AGXT: variants seen among roughly 807,000 people sequenced by gnomAD.
The protein encoded by AGXT is L-alanine: glyoxylate aminotransferase 1.
Under a neutral mutation model 46.9 loss-of-function variants are expected in AGXT, and 41 were observed. That is an observed-to-expected ratio of 0.88 (90% CI 0.68 to 1.14). The LOEUF (loss-of-function observed/expected upper bound fraction) is 1.14, where lower values mean the gene tolerates loss of function less well. AGXT is among the 50% of genes most tolerant of loss of function. The probability of loss-of-function intolerance (pLI) is 0.00; values close to 1 mark genes in which losing one functional copy is unlikely to be tolerated. For missense variants in AGXT, 525 were observed against 522.7 expected, an observed-to-expected ratio of 1.00 and a Z score of -0.04; for synonymous variants, 244 against 227.9, an observed-to-expected ratio of 1.07 and a Z score of -0.64.
At chr2:240,874,584 C>T (rs1047744443) in intron 6 of AGXT, among the ~76,000 whole-genome samples, 1 of 152,180 alleles carries the variant, frequency 6.6e-6, no homozygotes, top group Non-Finnish European at 1.5e-5. Flanking sequence ...GAGAGGACTT[C>T]GGGGAGAAGT....
chr2:240,877,915 C>G, intron 9 of AGXT, 107 bp from the exon 10 acceptor site: 3 of 1,504,144 alleles, frequency 2.0e-6, no homozygotes, highest in Non-Finnish European at 1.8e-6. Context: ...CTTTCTCCCC[C>G]GGCTCCTCTG....
chr2:240,868,940 G>C lies in AGXT; in HGVS notation c.75G>C (p.Leu25=). 1 of 1,613,274 alleles carries C rather than the reference G, an allele frequency of 6.2e-7. No individual in the cohort carries two copies. The highest frequency in any genetic ancestry group is 8.5e-7 in the Non-Finnish European group (1 of 1,180,022). The change falls in exon 1 of 11, where the codon CTG becomes CTC. Residue 25 remains leucine, a synonymous_variant. Coordinates refer to ENST00000307503, the MANE Select transcript of AGXT (RefSeq NM_000030.3). Reference sequence around the variant, plus strand: ...CCCTCTCCATCCCCAACCAGCTCCTGCTGGGGCCTGGTCCTTCCAACCTGC... The same window carrying C: ...CCCTCTCCATCCCCAACCAGCTCCTCCTGGGGCCTGGTCCTTCCAACCTGC... ...LKPLSIPNQL[L]LGPGPSNLPP...
At chr2:240,873,169 C>T (rs902024163) in intron 5 of AGXT, 120 bp downstream of exon 5, 13 of 852,414 alleles carry the variant, frequency 1.5e-5, no homozygotes, top group Middle Eastern at 2.9e-4. Context: ...CCATCTCCAC[C>T]AGGCCCAGGG....
At chr2:240,872,477 C>T (rs2058997659) in intron 4 of AGXT, among the ~76,000 whole-genome samples, 1 of 151,204 alleles carries the variant, frequency 6.6e-6, no homozygotes, top group Non-Finnish European at 1.5e-5. Flanking sequence ...AGTTCGTGAA[C>T]ATGGAGGCGG....
Position 240,880,007 on chromosome 2 carries a change from A to G in AGXT, c.*1186A>G, listed in dbSNP as rs1335151406. On this transcript the variant is annotated 3_prime_UTR_variant, in exon 11 of 11. Coordinates refer to ENST00000307503, the MANE Select transcript of AGXT (RefSeq NM_000030.3). Reference sequence around the variant, plus strand: ...CTGAGTGCCGTCCCGTCATATGGACACCTCATGATTTGTTGGTTCATCACC... The same window carrying G: ...CTGAGTGCCGTCCCGTCATATGGACGCCTCATGATTTGTTGGTTCATCACC... 6.6e-6 allele frequency: 1 copy of G among 152,152 alleles called. No individual in the cohort carries two copies. 9.4% of individuals were successfully genotyped at this position (152,152 alleles called of 1,614,324 possible).
At chr2:240,873,095 G>C in intron 5 of AGXT, 46 bp downstream of exon 5, 1 of 1,540,812 alleles carries the variant, frequency 6.5e-7, no homozygotes, top group South Asian at 1.1e-5. Flanking sequence ...GCAGCCTTGG[G>C]GCTCCGCGTG....
Position 240,873,916 on chromosome 2 carries a change from C to G in AGXT, c.596-62C>G, listed in dbSNP as rs1285135456. 2.0e-6 allele frequency: 3 copies of G among 1,464,934 alleles called. No homozygotes were observed. In the Admixed American group the frequency reaches 5.0e-5, roughly 25 times the overall value. The allele number at this position is 1,464,934 out of a possible 1,614,324, so 90.7% of individuals were successfully genotyped here. A position where few individuals can be genotyped will look rare whatever the true frequency, so the allele number is the denominator to read the frequency against. On this transcript the variant is annotated intron_variant, in intron 5 of 10. Coordinates refer to ENST00000307503, the MANE Select transcript of AGXT (RefSeq NM_000030.3). ...CCAGCCCATTAGCTAGGCAGGCATCCCGCTGGACTGGCCTGCCCTGAGGTG... is the reference window on the plus strand; with the variant it reads ...CCAGCCCATTAGCTAGGCAGGCATCGCGCTGGACTGGCCTGCCCTGAGGTG...
At chr2:240,876,606 G>T (rs2059025913) in intron 8 of AGXT, among the ~76,000 whole-genome samples, 1 of 152,184 alleles carries the variant, frequency 6.6e-6, no homozygotes, top group Non-Finnish European at 1.5e-5. Context: ...CCCATTGCCA[G>T]CCACCAGTCC....
chr2:240,871,213 C>G (rs2058988601), intron 3 of AGXT, 136 bp from the exon 4 acceptor site: 1 of 756,494 alleles, frequency 1.3e-6, no homozygotes, highest in Non-Finnish European at 2.3e-6. Flanking sequence ...CTCCTCCTCC[C>G]ATGCACACCA....
chr2:240,872,653 G>A (rs1186434534), intron 4 of AGXT, among the ~76,000 whole-genome samples: 1 of 152,060 alleles, frequency 6.6e-6, no homozygotes, highest in Non-Finnish European at 1.5e-5. Flanking sequence ...GGCACCCGCT[G>A]TCCCTGGGAA....
chr2:240,872,535 C>G (rs1402901384), intron 4 of AGXT, among the ~76,000 whole-genome samples: 1 of 152,100 alleles, frequency 6.6e-6, no homozygotes, highest in Admixed American at 6.5e-5. Flanking sequence ...TTCTGGGACT[C>G]TGTCCCCTCT....
rs12478859 is a variant in AGXT at position 240,875,890 on chromosome 2, C to T, written c.777-45C>T. The T allele has an allele frequency of 0.37, 585,355 of 1,598,714 alleles. 112,089 individuals carry two copies. Among genetic ancestry groups the T allele is most frequent in the Non-Finnish European group, 0.4 (465,975 of 1,166,674 alleles). On this transcript the variant is annotated intron_variant, in intron 7 of 10. Coordinates refer to ENST00000307503, the MANE Select transcript of AGXT (RefSeq NM_000030.3). ...ACAGAGCTAATGCCCCATCTGCCCCCAACCCTGCCCATGGTGCTGGACCAA... is the reference window on the plus strand; with the variant it reads ...ACAGAGCTAATGCCCCATCTGCCCCTAACCCTGCCCATGGTGCTGGACCAA...
intron 4 of AGXT, among the ~76,000 whole-genome samples, chr2:240,872,751 C>T (rs1575709176): frequency 6.6e-6 from 1 of 152,100 alleles, no homozygotes; most frequent in Admixed American, 6.5e-5. Flanking sequence ...CCTCACTCCC[C>T]CAGCTCCCTC....
rs781107643 is a variant in AGXT, at chr2:240,871,321, C to G, written c.424-28C>G. The G allele has an allele frequency of 3.2e-6, 5 of 1,551,340 alleles. No homozygotes were observed. The South Asian group carries it at 5.9e-5, about 18-fold the overall frequency. On this transcript the variant is annotated intron_variant, in intron 3 of 10. Coordinates refer to ENST00000307503, the MANE Select transcript of AGXT (RefSeq NM_000030.3). ...GTTCTGGCCCCTGCCCCTCTGAGCT[C>G]CACCCACAGCCGTCCCTGCTTCCTC... is the stretch of plus-strand genomic sequence containing the variant.
rs2106427423 is a variant in AGXT, at chr2:240,869,072, G to T, written c.165+42G>T. On this transcript the variant is annotated intron_variant, in intron 1 of 10. Coordinates refer to ENST00000307503, the MANE Select transcript of AGXT (RefSeq NM_000030.3). The stretch of plus-strand genomic sequence containing the variant: ...CTCGGGGGGCCTGGGTCTCACCCAT[G>T]TTCCCACCCACAGATCGTGGACGAG... 1.9e-6 allele frequency: 3 copies of T among 1,606,662 alleles called. No homozygotes were observed. The South Asian group carries it at 3.3e-5, about 18-fold the overall frequency.
chr2:240,878,833 G>T lies in AGXT; in HGVS notation c.*12G>T. 2 of 1,572,834 alleles carry T rather than the reference G, an allele frequency of 1.3e-6. No individual in the cohort carries two copies. Among genetic ancestry groups the T allele is most frequent in the Non-Finnish European group, 1.7e-6 (2 of 1,161,334 alleles). ...AGAAGAAGCTGTGACCTGCCCACTG[G>T]CACACAGCTGGCACTGGCACACACC... is the stretch of plus-strand genomic sequence containing the variant. On this transcript the variant is annotated 3_prime_UTR_variant, in exon 11 of 11. Transcript: ENST00000307503.
intron 7 of AGXT, 39 bp from the exon 8 acceptor site, chr2:240,875,896 T>G (rs369330326): frequency 1.4e-4 from 219 of 1,606,166 alleles, no homozygotes; most frequent in Non-Finnish European, 1.7e-4. Context: ...CCCCCAACCC[T>G]GCCCATGGTG....
chr2:240,873,228 C>T, intron 5 of AGXT, 179 bp downstream of exon 5: 1 of 603,774 alleles, frequency 1.7e-6, no homozygotes, highest in Non-Finnish European at 2.9e-6. Flanking sequence ...AACTACCCAG[C>T]ACCCCAGTGT....
intron 8 of AGXT, 147 bp downstream of exon 8, chr2:240,876,151 C>G (rs961434415): frequency 6.0e-6 from 6 of 997,766 alleles, no homozygotes; most frequent in Non-Finnish European, 9.3e-6. Context: ...GGAGAGAGGA[C>G]AGGGCCCCGG....
Sources: allele counts gnomAD v4.1 joint callset (sites outside exome capture counted in the v4.1 genomes callset), GRCh38; gene constraint gnomAD v4.1.1; transcripts MANE v1.5; gene names NCBI Gene and HGNC (gene_info 2026-07-23, HGNC 2026-07-21).